TNFSF4: variants seen among roughly 807,000 people sequenced by gnomAD.
TNFSF4 encodes the protein tumor necrosis factor ligand superfamily member 4.
TNFSF4 carries 4 observed loss-of-function variants against 7.3 expected under a neutral mutation model. The ratio of observed to expected loss-of-function variants is 0.55; its 90% CI spans 0.27 to 1.25. TNFSF4 has a LOEUF of 1.25. TNFSF4 is among the 50% of genes most tolerant of loss of function. TNFSF4 has a pLI of 0.12. For synonymous variants in TNFSF4, 76 were observed against 83.7 expected, an observed-to-expected ratio of 0.91 and a Z score of 0.50; for missense variants, 181 against 208.8, an observed-to-expected ratio of 0.87 and a Z score of 0.82.
the TNFSF4 span, among the ~76,000 whole-genome samples, chr1:173,352,341 T>G: frequency 6.6e-6 from 1 of 152,208 alleles, no homozygotes; most frequent in Non-Finnish European, 1.5e-5. Flanking sequence ...TGTTTGCAAG[T>G]GGATCGGGGG....
At chr1:173,220,739 A>G in the TNFSF4 span, among the ~76,000 whole-genome samples, 1 of 152,178 alleles carries the variant, frequency 6.6e-6, no homozygotes, top group Non-Finnish European at 1.5e-5. Context: ...TCACCAGACA[A>G]TGAATCTTCT....
At chr1:173,190,583 G>T (rs1649435199) in intron 1 of TNFSF4, among the ~76,000 whole-genome samples, 1 of 152,198 alleles carries the variant, frequency 6.6e-6, no homozygotes, top group African/African-American at 2.4e-5. Context: ...GGAGTCTTTA[G>T]CTCTCCCCCT....
At chr1:173,290,483 AAAC>A in the TNFSF4 span, among the ~76,000 whole-genome samples, 1 of 152,188 alleles carries the variant, frequency 6.6e-6, no homozygotes, top group Non-Finnish European at 1.5e-5. Context: ...AAATAATAAA[AAAC>A]AATAAAGAAG....
At chr1:173,395,377 AATATAT>A in the TNFSF4 span, among the ~76,000 whole-genome samples, 365 of 63,226 alleles carry the variant, frequency 5.8e-3, 1 homozygote, top group East Asian at 9.0e-3. Flanking sequence ...CTGTGTATAT[AATATAT>A]ATATATATAT....
the TNFSF4 span, among the ~76,000 whole-genome samples, chr1:173,376,223 T>A: frequency 2.0e-5 from 3 of 152,052 alleles, no homozygotes; most frequent in East Asian, 5.8e-4. Flanking sequence ...ATAGAATGGA[T>A]AAAGAAAATG....
At chr1:173,299,977 G>C in the TNFSF4 span, among the ~76,000 whole-genome samples, 2 of 151,598 alleles carry the variant, frequency 1.3e-5, no homozygotes, top group African/African-American at 2.4e-5. Context: ...TTACTTTTAG[G>C]CTAATTTCTC....
At chr1:173,428,690 A>C in the TNFSF4 span, among the ~76,000 whole-genome samples, 1 of 152,260 alleles carries the variant, frequency 6.6e-6, no homozygotes, top group Non-Finnish European at 1.5e-5. Context: ...ATAGAACTAC[A>C]TATTGAAATA....
At chr1:173,399,407 A>T in the TNFSF4 span, among the ~76,000 whole-genome samples, 2 of 152,186 alleles carry the variant, frequency 1.3e-5, no homozygotes, top group Admixed American at 6.5e-5. Context: ...GTGAAGGGAA[A>T]CAGTGGGCAG....
rs545833237 is a variant in TNFSF4, at chr1:173,207,083, G to C, written c.94C>G (p.Gln32Glu). Residue 32 changes from glutamine to glutamate, a missense_variant, in exon 1 of 3, where the codon CAG becomes GAG. Transcript: ENST00000281834. ...AAGCACAGGAGCAGCCCCAGTCCCT[G>C]AATTACAGAGGCCACCAGCAATAGC... Reference protein sequence around the residue: ...NKLLLVASVIQGLGLLLCFTY... With the variant: ...NKLLLVASVIEGLGLLLCFTY... 1 of 1,613,814 alleles carries C rather than the reference G, an allele frequency of 6.2e-7. No individual in the cohort carries two copies. The highest frequency in any genetic ancestry group is 2.2e-5 in the East Asian group (1 of 44,876).
At chr1:173,365,600 G>A in the TNFSF4 span, among the ~76,000 whole-genome samples, 1 of 152,148 alleles carries the variant, frequency 6.6e-6, no homozygotes, top group African/African-American at 2.4e-5. Context: ...CCTCATTGTA[G>A]TAGCATTTTG....
At chr1:173,236,018 C>A in the TNFSF4 span, among the ~76,000 whole-genome samples, 2 of 151,966 alleles carry the variant, frequency 1.3e-5, no homozygotes. Flanking sequence ...TATATAGAAT[C>A]ATTTGTTGGG....
chr1:173,251,109 G>C, the TNFSF4 span, among the ~76,000 whole-genome samples: 1 of 152,150 alleles, frequency 6.6e-6, no homozygotes, highest in African/African-American at 2.4e-5. Context: ...GAACACTTAG[G>C]TTTGGAAACG....
At chr1:173,318,837 A>G in the TNFSF4 span, among the ~76,000 whole-genome samples, 1 of 152,200 alleles carries the variant, frequency 6.6e-6, no homozygotes. Context: ...ACGTGATTTC[A>G]GCATTTCCAA....
chr1:173,324,357 A>C, the TNFSF4 span, among the ~76,000 whole-genome samples: 7 of 152,200 alleles, frequency 4.6e-5, no homozygotes, highest in Non-Finnish European at 1.0e-4. Flanking sequence ...AGAGCTCCTG[A>C]AGGAAGCACT....
At chr1:173,304,375 T>C in the TNFSF4 span, among the ~76,000 whole-genome samples, 3 of 151,886 alleles carry the variant, frequency 2.0e-5, no homozygotes, top group African/African-American at 7.2e-5. Context: ...GGGTTGGGCA[T>C]GGATGCACTT....
chr1:173,448,807 G>A, the TNFSF4 span, among the ~76,000 whole-genome samples: 11 of 152,230 alleles, frequency 7.2e-5, no homozygotes, highest in African/African-American at 2.7e-4. Flanking sequence ...GGCCATCTGG[G>A]CGTATAAGTG....
the TNFSF4 span, among the ~76,000 whole-genome samples, chr1:173,257,148 G>T: frequency 2.0e-5 from 3 of 152,186 alleles, no homozygotes; most frequent in Non-Finnish European, 4.4e-5. Context: ...AAACTCTTTC[G>T]TATCTCCAAG....
At chr1:173,183,096 C>T (rs1001308549), downstream of TNFSF4, among the ~76,000 whole-genome samples, 3 of 152,182 alleles carry the variant, frequency 2.0e-5, no homozygotes, top group African/African-American at 7.2e-5. Flanking sequence ...ATAGGCTAGA[C>T]TGCGGCTCAT....
chr1:173,357,771 G>C, the TNFSF4 span, among the ~76,000 whole-genome samples: 46,230 of 151,962 alleles, frequency 0.3, 7,222 homozygotes, highest in East Asian at 0.35. Flanking sequence ...CCGACCTCAG[G>C]TGATCTGCCC....
Sources: allele counts gnomAD v4.1 joint callset (sites outside exome capture counted in the v4.1 genomes callset), GRCh38; gene constraint gnomAD v4.1.1; transcripts MANE v1.5; gene names NCBI Gene and HGNC (gene_info 2026-07-23, HGNC 2026-07-21).